MAPK8: variants seen among roughly 807,000 people sequenced by gnomAD.
The protein encoded by MAPK8 is JUN N-terminal kinase.
Under a neutral mutation model 52.9 loss-of-function variants are expected in MAPK8, and 13 were observed. The observed-to-expected ratio is 0.25, with a 90% CI of 0.16 to 0.39. MAPK8 has a LOEUF of 0.39. Among genes scored for constraint, MAPK8 ranks in the 10% least tolerant of loss-of-function variants. MAPK8 has a pLI of 1.00. For missense variants in MAPK8, 300 were observed against 519.2 expected, an observed-to-expected ratio of 0.58 and a Z score of 4.10; for synonymous variants, 191 against 169.8, an observed-to-expected ratio of 1.12 and a Z score of -0.97.
chr10:48,322,381 G>A (rs1473109414), intron 1 of MAPK8, among the ~76,000 whole-genome samples: 1 of 151,950 alleles, frequency 6.6e-6, no homozygotes. Flanking sequence ...CATTATATAA[G>A]GAAAATTATA....
At position 48,434,883 on chromosome 10, in the gene MAPK8, G is replaced by T; in HGVS notation, c.1139-1G>T. On this transcript the variant is annotated splice_acceptor_variant, in intron 11 of 11. Coordinates refer to ENST00000374189, the MANE Select transcript of MAPK8 (RefSeq NM_001323329.2). LOFTEE classifies it high-confidence loss of function. ...TTGCTGTTTTGTTTCTCATAGCACA[G>T]GTGCAGCAGTGATCAATGGCTCTCA... 1 of 1,606,752 alleles carries T rather than the reference G, an allele frequency of 6.2e-7. No homozygotes were observed.
chr10:48,410,279 C>T (rs2042677717), intron 5 of MAPK8, 111 bp downstream of exon 5: 16 of 776,562 alleles, frequency 2.1e-5, no homozygotes, highest in Non-Finnish European at 3.0e-5. Context: ...CAGTGCTGTA[C>T]AACTACCACC....
chr10:48,405,097 T>C (rs1032573553), intron 3 of MAPK8, 116 bp downstream of exon 3: 3 of 355,774 alleles, frequency 8.4e-6, no homozygotes, highest in Non-Finnish European at 1.5e-5. Flanking sequence ...TAAAACATTG[T>C]TTAAAAGGGA....
rs765538793 is a variant in MAPK8 at position 48,424,069 on chromosome 10, T to C, written c.617-19T>C. ...ACCTTTTGCTTTGCTTTTCCTTCTT[T>C]TGTGCTGCAAACATATAGTGGATTT... On this transcript the variant is annotated intron_variant, in intron 6 of 11. Coordinates refer to ENST00000374189, the MANE Select transcript of MAPK8 (RefSeq NM_001323329.2). 6.3e-7 allele frequency: 1 copy of C among 1,599,102 alleles called. No homozygotes were observed. The highest frequency in any genetic ancestry group is 8.5e-7 in the Non-Finnish European group (1 of 1,170,574).
chr10:48,351,852 A>C (rs1034791553), intron 1 of MAPK8, among the ~76,000 whole-genome samples: 7 of 152,156 alleles, frequency 4.6e-5, no homozygotes, highest in Non-Finnish European at 1.0e-4. Flanking sequence ...AGCATCCCGA[A>C]TTCAAAAACC....
At chr10:48,433,591 G>GT (rs908043231) in intron 11 of MAPK8, among the ~76,000 whole-genome samples, 30 of 152,028 alleles carry the variant, frequency 2.0e-4, no homozygotes, top group African/African-American at 6.8e-4. Context: ...TTTCTCTTCC[G>GT]TTTCAGCTCC....
chr10:48,310,400 ATTG>A (rs1841860471), intron 1 of MAPK8, among the ~76,000 whole-genome samples: 1 of 152,308 alleles, frequency 6.6e-6, no homozygotes, highest in East Asian at 1.9e-4. Flanking sequence ...AGCCAAAAAA[ATTG>A]TTGAGTTGAA....
At chr10:48,422,953 C>G (rs1013074835) in intron 6 of MAPK8, among the ~76,000 whole-genome samples, 5 of 152,164 alleles carry the variant, frequency 3.3e-5, no homozygotes, top group African/African-American at 1.2e-4. Context: ...GGGCACGTGT[C>G]TTTCTGACAT....
chr10:48,340,865 C>T (rs1845187046), intron 1 of MAPK8, among the ~76,000 whole-genome samples: 1 of 152,226 alleles, frequency 6.6e-6, no homozygotes, highest in Non-Finnish European at 1.5e-5. Flanking sequence ...GTCACCTTCA[C>T]CTCCTTGATC....
At chr10:48,309,690 T>A (rs1315271034) in intron 1 of MAPK8, among the ~76,000 whole-genome samples, 1 of 152,224 alleles carries the variant, frequency 6.6e-6, no homozygotes, top group Non-Finnish European at 1.5e-5. Flanking sequence ...GGTTGTTGAA[T>A]AGGAGCCTGC....
chr10:48,373,401 G>A (rs1186943180), intron 1 of MAPK8, among the ~76,000 whole-genome samples: 2 of 151,718 alleles, frequency 1.3e-5, no homozygotes, highest in African/African-American at 4.9e-5. Context: ...AACCTTAAGG[G>A]TAAACAGACT....
chr10:48,372,648 A>T (rs1302180521), intron 1 of MAPK8, among the ~76,000 whole-genome samples: 1 of 152,104 alleles, frequency 6.6e-6, no homozygotes, highest in African/African-American at 2.4e-5. Context: ...AACTCAATGA[A>T]ATAAAGTAAG....
At chr10:48,428,643 A>G (rs1396097157) in intron 10 of MAPK8, among the ~76,000 whole-genome samples, 1 of 152,250 alleles carries the variant, frequency 6.6e-6, no homozygotes, top group Non-Finnish European at 1.5e-5. Flanking sequence ...TGACAAAATG[A>G]TAAAATTGGA....
At chr10:48,375,103 T>G (rs773872079) in intron 1 of MAPK8, among the ~76,000 whole-genome samples, 3 of 152,178 alleles carry the variant, frequency 2.0e-5, no homozygotes, top group Admixed American at 6.5e-5. Flanking sequence ...TCAATAAACA[T>G]AATCCATCAT....
chr10:48,398,881 G>A (rs1308526286), intron 1 of MAPK8, among the ~76,000 whole-genome samples: 1 of 152,072 alleles, frequency 6.6e-6, no homozygotes, highest in African/African-American at 2.4e-5. Context: ...GACCATATAG[G>A]GAATGTATTG....
chr10:48,339,806 C>A (rs962472829), intron 1 of MAPK8, among the ~76,000 whole-genome samples: 5 of 152,112 alleles, frequency 3.3e-5, no homozygotes, highest in Non-Finnish European at 7.4e-5. Flanking sequence ...AAATAATGTG[C>A]AACATCACTA....
rs747193295 is a variant in MAPK8, at chr10:48,434,905, C to T, written c.1160C>T (p.Ser387Phe). 3 of 1,613,578 alleles carry T rather than the reference C, an allele frequency of 1.9e-6. No homozygotes were observed. The South Asian group carries it at 3.3e-5, about 18-fold the overall frequency. Residue 387 changes from serine to phenylalanine, a missense_variant, in exon 12 of 12, where the codon TCT (serine) becomes TTT (phenylalanine). Transcript: ENST00000374189. ...ACAGGTGCAGCAGTGATCAATGGCT[C>T]TCAGCATCCATCATCATCGTCGTCT... ...SPLGAAVING[S>F]QHPSSSSSVN...
intron 1 of MAPK8, among the ~76,000 whole-genome samples, chr10:48,383,492 T>G (rs2041135938): frequency 6.6e-6 from 1 of 152,228 alleles, no homozygotes; most frequent in Non-Finnish European, 1.5e-5. Context: ...GCTAAAGATA[T>G]TAACCAAAGA....
Position 48,403,128 on chromosome 10 carries a change from AAGG to A in MAPK8, c.122+1350_122+1352del, listed in dbSNP as rs1181083139. On this transcript the variant is annotated intron_variant, in intron 2 of 11. Transcript: ENST00000374189. ...TATCTCTGAGAAAATAGAGAAAAGA[AAGG>A]AGGTTTGACCTATAATATTATATTT... is the stretch of plus-strand genomic sequence containing the variant. Among the ~76,000 whole-genome samples, 3 of 152,202 alleles carry A rather than the reference AAGG, an allele frequency of 2.0e-5. No individual in the cohort carries two copies. In the East Asian group the frequency reaches 5.8e-4, roughly 29 times the overall value.
Sources: gnomAD v4.1 joint callset for allele counts (sites outside exome capture counted in the v4.1 genomes callset) on GRCh38, gnomAD v4.1.1 for gene constraint, MANE v1.5 for transcripts, NCBI Gene and HGNC (gene_info 2026-07-23, HGNC 2026-07-21) for gene names.